CTNNA2: variants seen among roughly 807,000 people sequenced by gnomAD.
CTNNA2 encodes catenin alpha-2.
A neutral mutation model predicts 101.0 loss-of-function variants in CTNNA2; 42 were observed. The observed-to-expected ratio is 0.42, with a 90% confidence interval of 0.32 to 0.54. The LOEUF (loss-of-function observed/expected upper bound fraction) is 0.54. Ranked by LOEUF, CTNNA2 falls within the 20% of genes least tolerant of loss-of-function variation. The probability of loss-of-function intolerance (pLI) is 0.14; values close to 1 mark genes in which losing one functional copy is unlikely to be tolerated. For synonymous variants in CTNNA2, 450 were observed against 456.4 expected (o/e 0.99, Z 0.18); for missense variants, 871 against 1,223.1 (o/e 0.71, Z 4.29).
At chr2:80,541,376 T>C (rs1458056914) in intron 9 of CTNNA2, among the ~76,000 whole-genome samples, 1 of 152,166 alleles carries the variant, frequency 6.6e-6, no homozygotes, top group Non-Finnish European at 1.5e-5. Context: ...TTAAAGAGAA[T>C]AAATAACTGG....
rs1025183636 is a variant in CTNNA2 at position 80,304,114 on chromosome 2, C to A, written c.1057-89097C>A. ...AAAGAAAAGGGAGGAAAAAAAAAAT[C>A]TTCGGGAAAGAATTTAATTAAAAAG... On this transcript the variant is annotated intron_variant, in intron 7 of 18. Transcript: ENST00000402739. 8.2e-5 allele frequency: 27 copies of A among 330,990 alleles called. No homozygotes were observed. The Admixed American group carries it at 9.1e-4, about 11-fold the overall frequency. 20.5% of individuals were successfully genotyped at this position (330,990 alleles called of 1,614,324 possible). A position where few individuals can be genotyped will look rare whatever the true frequency, so the allele number is the denominator to read the frequency against.
chr2:80,099,892 A>T (rs1356986362), intron 7 of CTNNA2, among the ~76,000 whole-genome samples: 1 of 152,122 alleles, frequency 6.6e-6, no homozygotes, highest in African/African-American at 2.4e-5. Flanking sequence ...CTAGAACTAT[A>T]GTATCAGAGT....
chr2:79,335,376 G>A (rs1212430779), intron 3 of CTNNA2, among the ~76,000 whole-genome samples: 1 of 152,152 alleles, frequency 6.6e-6, no homozygotes, highest in Non-Finnish European at 1.5e-5. Flanking sequence ...AGCAAAATCA[G>A]TGACTAAGCC....
intron 3 of CTNNA2, among the ~76,000 whole-genome samples, chr2:79,760,019 A>G (rs543959195): frequency 5.1e-4 from 77 of 152,336 alleles, no homozygotes; most frequent in African/African-American, 1.8e-3. Flanking sequence ...ATTCGTTAAG[A>G]GTACAGTTTA....
At chr2:79,196,071 G>A (rs530712160) in intron 1 of CTNNA2, among the ~76,000 whole-genome samples, 2 of 152,108 alleles carry the variant, frequency 1.3e-5, no homozygotes, top group African/African-American at 2.4e-5. Flanking sequence ...TGAGTAGCTG[G>A]GATTACAGGC....
Position 79,744,457 on chromosome 2 carries a change from A to G in CTNNA2, c.173A>G (p.His58Arg), listed in dbSNP as rs749396664. The change falls in exon 3 of 19, where the codon CAT becomes CGT. Residue 58 changes from histidine (H) to arginine (R), a missense_variant. Transcript: ENST00000402739. ...GKKKGRSKKA[H>R]VLAASVEQAT... ...AAGAAAGGGAGGTCAAAGAAAGCCC[A>G]TGTACTAGCTGCCTCTGTAGAGCAA... 1.2e-6 allele frequency: 2 copies of G among 1,614,148 alleles called. No homozygotes were observed. The highest frequency in any genetic ancestry group is 1.1e-5 in the South Asian group (1 of 91,078).
At chr2:79,371,280 G>A (rs1458712342) in intron 3 of CTNNA2, among the ~76,000 whole-genome samples, 5 of 152,012 alleles carry the variant, frequency 3.3e-5, no homozygotes, top group Admixed American at 3.3e-4. Flanking sequence ...CATATATCAT[G>A]AGGCTTCTCC....
intron 4 of CTNNA2, among the ~76,000 whole-genome samples, chr2:79,407,880 C>T (rs1678357573): frequency 6.6e-6 from 1 of 152,052 alleles, no homozygotes; most frequent in Admixed American, 6.6e-5. Flanking sequence ...TGTATGTGTA[C>T]AGTTTTCTGT....
At chr2:80,424,810 T>C (rs1680850876) in intron 9 of CTNNA2, among the ~76,000 whole-genome samples, 1 of 152,204 alleles carries the variant, frequency 6.6e-6, no homozygotes, top group South Asian at 2.1e-4. Flanking sequence ...TCAATTTGCT[T>C]CTTGCCTGTT....
At chr2:79,763,589 T>C (rs1262119054) in intron 3 of CTNNA2, among the ~76,000 whole-genome samples, 1 of 152,228 alleles carries the variant, frequency 6.6e-6, no homozygotes, top group African/African-American at 2.4e-5. Context: ...TCTTATAGTT[T>C]TTCAACATCT....
chr2:80,051,840 T>C (rs1323053921), intron 7 of CTNNA2, among the ~76,000 whole-genome samples: 1 of 152,166 alleles, frequency 6.6e-6, no homozygotes. Flanking sequence ...AAAAGTGCCC[T>C]TTCCATGGGA....
chr2:80,447,799 G>T (rs1435431841), intron 9 of CTNNA2, among the ~76,000 whole-genome samples: 2 of 152,150 alleles, frequency 1.3e-5, no homozygotes, highest in East Asian at 1.9e-4. Context: ...ATCCAAATGT[G>T]CTGTTAACTT....
At chr2:79,321,420 AT>A (rs56036735) in intron 3 of CTNNA2, among the ~76,000 whole-genome samples, 38,697 of 152,056 alleles carry the variant, frequency 0.25, 5,161 homozygotes, top group Middle Eastern at 0.37. Context: ...GTTGTGTGAA[AT>A]TTTATTGGTT....
At position 79,228,397 on chromosome 2, in the gene CTNNA2, G is replaced by A. The variant is rs562684315; in HGVS notation, c.-406+30321G>A. Among the ~76,000 whole-genome samples the A allele has an allele frequency of 2.5e-4, 38 of 152,222 alleles. 1 individual carries two copies. The South Asian group carries it at 7.2e-3, about 29-fold the overall frequency. The stretch of plus-strand genomic sequence containing the variant: ...AGTGTAAACGCATTCCCTTCTCTCC[G>A]CAGCCTTGCCAACACGTGTTGTTTT... On this transcript the variant is annotated intron_variant, in intron 2 of 21. Transcript: ENST00000466387.
At chr2:80,560,128 A>G (rs1331773294) in intron 12 of CTNNA2, among the ~76,000 whole-genome samples, 2 of 151,982 alleles carry the variant, frequency 1.3e-5, no homozygotes, top group Non-Finnish European at 2.9e-5. Flanking sequence ...GTATGCAGAG[A>G]TTAAAATTCC....
intron 9 of CTNNA2, among the ~76,000 whole-genome samples, chr2:80,505,899 G>C (rs1688239697): frequency 6.6e-6 from 1 of 152,140 alleles, no homozygotes; most frequent in South Asian, 2.1e-4. Context: ...GCAGCTGTTT[G>C]ATCCAGTTAT....
chr2:79,299,496 T>G (rs1676058293), intron 2 of CTNNA2, among the ~76,000 whole-genome samples: 1 of 152,184 alleles, frequency 6.6e-6, no homozygotes, highest in Non-Finnish European at 1.5e-5. Context: ...CTTTCCCGAT[T>G]CTAAGAGGTT....
At chr2:80,278,644 G>C (rs1294860675) in intron 7 of CTNNA2, among the ~76,000 whole-genome samples, 2 of 151,974 alleles carry the variant, frequency 1.3e-5, no homozygotes, top group African/African-American at 4.8e-5. Context: ...GAGTTGCTGT[G>C]GGGCAGCAAC....
At chr2:80,378,082 G>T (rs1050394873) in intron 7 of CTNNA2, among the ~76,000 whole-genome samples, 5 of 152,006 alleles carry the variant, frequency 3.3e-5, no homozygotes, top group African/African-American at 1.2e-4. Context: ...GGGGCCAGGC[G>T]CAGGTGGCTC....
Sources: gnomAD v4.1 joint callset for allele counts (sites outside exome capture counted in the v4.1 genomes callset) on GRCh38, gnomAD v4.1.1 for gene constraint, MANE v1.5 for transcripts, NCBI Gene and HGNC (gene_info 2026-07-23, HGNC 2026-07-21) for gene names.